Variants in MTSS1 observed in about 807,000 individuals in gnomAD.
The protein encoded by MTSS1 is MTSS I-BAR domain containing 1.
A neutral mutation model predicts 79.0 loss-of-function variants in MTSS1; 18 were observed. The observed-to-expected ratio is 0.23, with a 90% CI of 0.16 to 0.34. The LOEUF (loss-of-function observed/expected upper bound fraction) is 0.34. Among genes scored for constraint, MTSS1 ranks in the 10% least tolerant of loss-of-function variants. The pLI, the probability that MTSS1 is intolerant of heterozygous loss-of-function variation, is 1.00. For missense variants in MTSS1, 815 were observed against 986.2 expected (o/e 0.83, Z 2.33); for synonymous variants, 341 against 368.6 (o/e 0.93, Z 0.86).
chr8:124,658,416 C>T (rs1330698538), intron 3 of MTSS1, among the ~76,000 whole-genome samples: 2 of 152,166 alleles, frequency 1.3e-5, no homozygotes, highest in East Asian at 3.8e-4. Context: ...CCTCCCCAGC[C>T]ACGTGGAACT....
Position 124,562,962 on chromosome 8 carries a change from G to A in MTSS1, c.855C>T (p.Ser285=), listed in dbSNP as rs770496980. The A allele has an allele frequency of 6.2e-7, 1 of 1,611,586 alleles. No individual in the cohort carries two copies. Among genetic ancestry groups the A allele is most frequent in the East Asian group, 2.2e-5 (1 of 44,828 alleles). The change falls in exon 10 of 14, where the codon TCC becomes TCT. Residue 285 remains serine, a synonymous_variant. Transcript: ENST00000518547. ...AATGCGAGTGGGAGCCGCTGGACCG[G>A]GAGTCACTGCTGTTGACACTGTTCA... ...SSLNSVNSSD[S]RSSGSHSHSP... is the part of the protein sequence containing the mutation.
chr8:124,698,444 C>G (rs1829197294), intron 3 of MTSS1, among the ~76,000 whole-genome samples: 1 of 151,942 alleles, frequency 6.6e-6, no homozygotes, highest in African/African-American at 2.4e-5. Flanking sequence ...AAAAGGAAAT[C>G]ACCCTCCTCC....
intron 3 of MTSS1, among the ~76,000 whole-genome samples, chr8:124,696,377 A>G (rs1238269228): frequency 6.6e-6 from 1 of 152,196 alleles, no homozygotes; most frequent in Admixed American, 6.5e-5. Flanking sequence ...ACACTTACTA[A>G]GAAGGACATT....
Position 124,562,961 on chromosome 8 carries a change from G to A in MTSS1, c.856C>T (p.Arg286Trp), listed in dbSNP as rs536911095. 2.5e-6 allele frequency: 4 copies of A among 1,611,346 alleles called. No individual in the cohort carries two copies. The highest frequency in any genetic ancestry group is 1.7e-5 in the Admixed American group (1 of 59,664). Residue 286 changes from arginine to tryptophan, a missense_variant, in exon 10 of 14, where the codon CGG becomes TGG. Arg to Trp is a moderately radical substitution (Grantham distance 101). Around this residue, in one of 2 missense-constraint regions of MTSS1, gnomAD observed 225 missense variants for 365.4 expected, o/e 0.62. Transcript: ENST00000518547. ...GAATGCGAGTGGGAGCCGCTGGACCGGGAGTCACTGCTGTTGACACTGTTC... is the reference window on the plus strand; with the variant it reads ...GAATGCGAGTGGGAGCCGCTGGACCAGGAGTCACTGCTGTTGACACTGTTC... ...SLNSVNSSDSRSSGSHSHSPS... is the reference protein window; with the variant it reads ...SLNSVNSSDSWSSGSHSHSPS...
At chr8:124,568,120 C>T (rs897688820) in intron 7 of MTSS1, 17 of 704,864 alleles carry the variant, frequency 2.4e-5, no homozygotes, top group Non-Finnish European at 3.5e-5. Flanking sequence ...ACCTGGGGAC[C>T]TCACTTTGAG....
chr8:124,612,407 A>G (rs1028963005), intron 3 of MTSS1, among the ~76,000 whole-genome samples: 2 of 152,202 alleles, frequency 1.3e-5, no homozygotes, highest in Non-Finnish European at 2.9e-5. Context: ...ATTTGCATTC[A>G]CATAACTGAG....
intron 6 of MTSS1, chr8:124,568,927 G>C (rs1827158073): frequency 8.1e-7 from 1 of 1,229,120 alleles, no homozygotes; most frequent in Non-Finnish European, 1.0e-6. Flanking sequence ...AAGAGCCTGT[G>C]GGTGTTTCCA....
intron 3 of MTSS1, among the ~76,000 whole-genome samples, chr8:124,622,064 GA>G (rs35411058): frequency 8.0e-6 from 1 of 125,298 alleles, no homozygotes; most frequent in Middle Eastern, 4.1e-3. Context: ...AAGAGAAAGA[GA>G]GAGAGAGAGA....
intron 6 of MTSS1, among the ~76,000 whole-genome samples, chr8:124,578,685 C>T (rs1829457909): frequency 6.6e-6 from 1 of 152,120 alleles, no homozygotes; most frequent in Non-Finnish European, 1.5e-5. Flanking sequence ...ATCCCAGCTA[C>T]TTGGGAGGCT....
intron 6 of MTSS1, 183 bp from the exon 7 acceptor site, chr8:124,568,719 T>C: frequency 7.4e-6 from 11 of 1,489,988 alleles, no homozygotes; most frequent in Non-Finnish European, 9.8e-6. Flanking sequence ...ATTTCCAATT[T>C]TCAATGCCCA....
intron 10 of MTSS1, among the ~76,000 whole-genome samples, chr8:124,561,160 G>A (rs112385015): frequency 0.078 from 11,920 of 152,236 alleles, 635 homozygotes; most frequent in Non-Finnish European, 0.11. Context: ...GGCCGGGCGC[G>A]GTGGCTCATG....
chr8:124,654,653 C>A (rs1820609712), intron 3 of MTSS1, among the ~76,000 whole-genome samples: 1 of 152,234 alleles, frequency 6.6e-6, no homozygotes, highest in Admixed American at 6.5e-5. Context: ...GTAATTGCTA[C>A]TAGAAGGTGA....
rs779067235 is a variant in MTSS1 at position 124,553,056 on chromosome 8, ATGGCG to A, written c.2199_2203del (p.Ala734ProfsTer39). 6.2e-7 allele frequency: 1 copy of A among 1,613,970 alleles called. No individual in the cohort carries two copies. The highest frequency in any genetic ancestry group is 8.5e-7 in the Non-Finnish European group (1 of 1,180,026). ...CTTCTTCAGTTTCACGCCCCTTCGG[ATGGCG>A]TTCAGCATGTCTTCTCCTTGTGGAG... On this transcript the variant is annotated frameshift_variant, in exon 14 of 14. Transcript: ENST00000518547. LOFTEE classifies it high-confidence loss of function. This position sits in a 1 kb window ranked among gnomAD's most constrained non-coding sequence, Gnocchi z 6.0.
intron 3 of MTSS1, among the ~76,000 whole-genome samples, chr8:124,679,023 G>A (rs1002941136): frequency 1.1e-4 from 16 of 152,320 alleles, no homozygotes; most frequent in South Asian, 2.1e-4. Context: ...CTTGGCATTC[G>A]AAGGCTTAAA....
intron 3 of MTSS1, among the ~76,000 whole-genome samples, chr8:124,627,798 AGGGAG>A (rs1205181460): frequency 6.6e-6 from 1 of 152,266 alleles, no homozygotes; most frequent in Non-Finnish European, 1.5e-5. Context: ...AGAGAAGCAC[AGGGAG>A]ACAGTGTGAA....
chr8:124,640,436 C>T (rs1402926464), intron 3 of MTSS1, among the ~76,000 whole-genome samples: 3 of 152,174 alleles, frequency 2.0e-5, no homozygotes, highest in African/African-American at 7.2e-5. Flanking sequence ...GTTCTGTGGT[C>T]TTTCCGGCAA....
intron 6 of MTSS1, among the ~76,000 whole-genome samples, chr8:124,573,752 T>C (rs571276620): frequency 6.6e-6 from 1 of 152,348 alleles, no homozygotes; most frequent in African/African-American, 2.4e-5. Flanking sequence ...GAGCAAAGAA[T>C]TGCTTTCGGC....
At chr8:124,557,543 AGG>A in intron 11 of MTSS1, 136 bp downstream of exon 11, 9 of 931,572 alleles carry the variant, frequency 9.7e-6, no homozygotes, top group Non-Finnish European at 1.4e-5. Flanking sequence ...GAGTTTCCTG[AGG>A]GAGAGGCATT....
chr8:124,715,350 T>A (rs983288690), intron 1 of MTSS1, among the ~76,000 whole-genome samples: 3 of 152,012 alleles, frequency 2.0e-5, no homozygotes, highest in Admixed American at 2.0e-4. Flanking sequence ...TCTTTCTTCT[T>A]TTTTTTTAAT....
Sources: gnomAD v4.1 joint callset for allele counts (sites outside exome capture counted in the v4.1 genomes callset) on GRCh38, gnomAD v4.1.1 for gene constraint, gnomAD v4.1.1 regional missense constraint, Gnocchi (gnomAD v3.1) non-coding constraint, MANE v1.5 for transcripts, NCBI Gene and HGNC (gene_info 2026-07-23, HGNC 2026-07-21) for gene names.